RGS8: variants seen among roughly 807,000 people sequenced by gnomAD.
The protein encoded by RGS8 is regulator of G-protein signaling 8.
A neutral mutation model predicts 21.7 loss-of-function variants in RGS8; 8 were observed. That is an observed-to-expected ratio of 0.37 (90% CI 0.22 to 0.66). RGS8 has a LOEUF of 0.66. Among genes scored for constraint, RGS8 ranks in the 30% least tolerant of loss-of-function variants. The pLI, the probability that RGS8 is intolerant of heterozygous loss-of-function variation, is 0.59. For synonymous variants in RGS8, 80 were observed against 83.6 expected, an observed-to-expected ratio of 0.96 and a Z score of 0.24; for missense variants, 157 against 217.9, an observed-to-expected ratio of 0.72 and a Z score of 1.76.
At chr1:182,712,782 G>A in the RGS8 span, 1 of 152,156 alleles carries the variant, frequency 6.6e-6, no homozygotes, top group East Asian at 1.9e-4. Context: ...TTTTGTCTGA[G>A]GAAATCAATC....
the RGS8 span, among the ~76,000 whole-genome samples, chr1:182,741,497 G>A: frequency 7.3e-6 from 1 of 137,812 alleles, no homozygotes. Context: ...CCGGGCGGGG[G>A]GCTGACCCCG....
intron 5 of RGS8, among the ~76,000 whole-genome samples, chr1:182,659,751 T>A (rs898708633): frequency 1.3e-5 from 2 of 152,044 alleles, no homozygotes; most frequent in African/African-American, 4.8e-5. Context: ...CCTAAAAGAT[T>A]TTGAAAATCA....
At chr1:182,749,903 C>T in the RGS8 span, among the ~76,000 whole-genome samples, 2 of 152,134 alleles carry the variant, frequency 1.3e-5, no homozygotes, top group South Asian at 4.1e-4. Context: ...CAACAGGCCC[C>T]AGTGTGTGTT....
chr1:182,737,283 G>A, the RGS8 span, among the ~76,000 whole-genome samples: 109 of 91,466 alleles, frequency 1.2e-3, no homozygotes, highest in African/African-American at 6.2e-3. Flanking sequence ...TAATCTCATA[G>A]GTAAAAAAAA....
the RGS8 span, among the ~76,000 whole-genome samples, chr1:182,741,329 C>A: frequency 7.9e-6 from 1 of 126,428 alleles, no homozygotes; most frequent in Admixed American, 7.5e-5. Context: ...CCACCTCCCT[C>A]CCGGACGGGG....
At chr1:182,729,124 T>C in the RGS8 span, among the ~76,000 whole-genome samples, 1 of 152,196 alleles carries the variant, frequency 6.6e-6, no homozygotes, top group African/African-American at 2.4e-5. Flanking sequence ...TTTCATGAAT[T>C]AGCTGGATTA....
In RGS8 at chr1:182,684,006, C is replaced by T. The variant is rs1664625416; in HGVS notation, n.221+350G>A. Among the ~76,000 whole-genome samples the T allele has an allele frequency of 1.3e-5, 2 of 152,134 alleles. No homozygotes were observed. The highest frequency in any genetic ancestry group is 2.1e-4 in the South Asian group (1 of 4,828). On this transcript the variant is annotated intron_variant and non_coding_transcript_variant, in intron 1 of 4. Coordinates refer to the RGS8 transcript ENST00000515211. This position sits in a 1 kb window ranked among gnomAD's most constrained non-coding sequence, Gnocchi z 4.2. ...ATATCAACCTACAATATTTTCAGAGCCCCCTAAGGGAGCTGAGGGAAGAAA... is the reference window on the plus strand; with the variant it reads ...ATATCAACCTACAATATTTTCAGAGTCCCCTAAGGGAGCTGAGGGAAGAAA...
the RGS8 span, among the ~76,000 whole-genome samples, chr1:182,696,499 AG>A: frequency 6.6e-6 from 1 of 152,040 alleles, no homozygotes; most frequent in African/African-American, 2.4e-5. Context: ...CTGGGATTAC[AG>A]GCACCCACCA....
chr1:182,722,299 G>T, the RGS8 span, among the ~76,000 whole-genome samples: 2 of 120,750 alleles, frequency 1.7e-5, no homozygotes, highest in African/African-American at 6.5e-5. Context: ...AATTGTATTT[G>T]TTATCCATTG....
intron 5 of RGS8, among the ~76,000 whole-genome samples, chr1:182,648,809 A>G (rs1255737091): frequency 1.3e-5 from 2 of 151,564 alleles, no homozygotes; most frequent in African/African-American, 2.4e-5. Flanking sequence ...TTCATATTCA[A>G]GAGTCATAGG....
At chr1:182,709,276 A>G in the RGS8 span, among the ~76,000 whole-genome samples, 68 of 152,114 alleles carry the variant, frequency 4.5e-4, no homozygotes, top group Non-Finnish European at 8.1e-4. Context: ...TGCTCACCAA[A>G]GTCCAGGTAT....
chr1:182,728,163 A>G, the RGS8 span, among the ~76,000 whole-genome samples: 2 of 152,254 alleles, frequency 1.3e-5, no homozygotes, highest in African/African-American at 4.8e-5. Context: ...ACATTGAAGC[A>G]GGCATTAATC....
chr1:182,744,838 C>G, the RGS8 span, among the ~76,000 whole-genome samples: 1 of 152,142 alleles, frequency 6.6e-6, no homozygotes, highest in Non-Finnish European at 1.5e-5. Flanking sequence ...AACATGATCA[C>G]AATTTTAGAA....
At chr1:182,671,940 C>G, upstream of RGS8, 1 of 1,406,574 alleles carries the variant, frequency 7.1e-7, no homozygotes, top group African/African-American at 1.5e-5. Flanking sequence ...AGCCTACACC[C>G]AGCGGGCGGC....
At chr1:182,720,977 A>T in the RGS8 span, among the ~76,000 whole-genome samples, 3 of 81,362 alleles carry the variant, frequency 3.7e-5, no homozygotes, top group African/African-American at 1.7e-4. Flanking sequence ...GTATATATAC[A>T]TATATACACA....
chr1:182,650,019 C>G (rs1426351294), intron 5 of RGS8, among the ~76,000 whole-genome samples: 1 of 151,426 alleles, frequency 6.6e-6, no homozygotes, highest in Non-Finnish European at 1.5e-5. Context: ...TCAAGCAATT[C>G]TCCTGCCTCA....
At chr1:182,732,246 T>G in the RGS8 span, among the ~76,000 whole-genome samples, 3 of 137,050 alleles carry the variant, frequency 2.2e-5, no homozygotes, top group Non-Finnish European at 1.6e-5. Flanking sequence ...CTCTCTCTCA[T>G]TCCCTCTGTC....
At chr1:182,721,807 C>A in the RGS8 span, among the ~76,000 whole-genome samples, 167 of 152,262 alleles carry the variant, frequency 1.1e-3, no homozygotes, top group Non-Finnish European at 1.9e-3. Flanking sequence ...ATGTGTGTAG[C>A]AGAGGAGAAA....
At chr1:182,724,293 C>T in the RGS8 span, among the ~76,000 whole-genome samples, 2 of 134,632 alleles carry the variant, frequency 1.5e-5, no homozygotes, top group South Asian at 4.9e-4. Context: ...ATACAGATAA[C>T]ATTCAAGGAC....
Sources: allele counts gnomAD v4.1 joint callset (sites outside exome capture counted in the v4.1 genomes callset), GRCh38; gene constraint gnomAD v4.1.1; non-coding constraint Gnocchi (gnomAD v3.1); transcripts MANE v1.5; gene names NCBI Gene and HGNC (gene_info 2026-07-23, HGNC 2026-07-21).